The following CAPZB variants were observed in gnomAD, a reference collection of about 807,000 sequenced individuals.
CAPZB encodes the protein F-actin-capping protein subunit beta.
Under a neutral mutation model 38.1 loss-of-function variants are expected in CAPZB, and 2 were observed. The observed-to-expected ratio is 0.05, with a 90% CI of 0.02 to 0.17. The LOEUF (loss-of-function observed/expected upper bound fraction) is 0.17. Ranked by LOEUF, CAPZB falls within the 10% of genes least tolerant of loss-of-function variation. The pLI is 1.00. For synonymous variants in CAPZB, 107 were observed against 127.4 expected (o/e 0.84, Z 1.08); for missense variants, 161 against 334.2 (o/e 0.48, Z 4.04).
intron 8 of CAPZB, among the ~76,000 whole-genome samples, chr1:19,343,535 G>A (rs1442315310): frequency 6.6e-6 from 1 of 152,218 alleles, no homozygotes; most frequent in Non-Finnish European, 1.5e-5. Context: ...CTCCTCGACT[G>A]GACAAGGGCC....
At chr1:19,464,546 C>G (rs1334988841) in intron 1 of CAPZB, among the ~76,000 whole-genome samples, 1 of 152,034 alleles carries the variant, frequency 6.6e-6, no homozygotes, top group African/African-American at 2.4e-5. Context: ...CCCGCCTCGG[C>G]CTCCCAAAAT....
intron 1 of CAPZB, among the ~76,000 whole-genome samples, chr1:19,451,686 CA>C (rs953656508): frequency 6.6e-6 from 1 of 151,950 alleles, no homozygotes; most frequent in African/African-American, 2.4e-5. Context: ...AGGCTAGGAC[CA>C]GGGGGTGATC....
At chr1:19,401,527 T>C (rs2094303395) in intron 2 of CAPZB, among the ~76,000 whole-genome samples, 1 of 152,138 alleles carries the variant, frequency 6.6e-6, no homozygotes, top group African/African-American at 2.4e-5. Context: ...TGCCACCTTT[T>C]CAGCAGCCTC....
At chr1:19,380,101 C>A (rs1438291115) in intron 3 of CAPZB, among the ~76,000 whole-genome samples, 3 of 152,226 alleles carry the variant, frequency 2.0e-5, no homozygotes, top group Non-Finnish European at 4.4e-5. Flanking sequence ...CTCCACCAGG[C>A]ACCTACGTCA....
At position 19,484,539 on chromosome 1, in the gene CAPZB, G is replaced by A. The variant is rs1005204765; in HGVS notation, c.3+897C>T. ...CACCGATGCCCGCCCTTCCCTCGCT[G>A]GCTCCTAGGCGGCCTCCCTAGAAGC... On this transcript the variant is annotated intron_variant, in intron 1 of 8. Coordinates refer to ENST00000264202, the MANE Select transcript of CAPZB (RefSeq NM_004930.5). 8.4e-6 allele frequency: 11 copies of A among 1,306,856 alleles called. No homozygotes were observed. In the African/African-American group the frequency reaches 1.2e-4, roughly 14 times the overall value. The allele number at this position is 1,306,856 out of a possible 1,614,324, so 81.0% of individuals were successfully genotyped here.
chr1:19,410,914 CCCT>C (rs2094354553), intron 2 of CAPZB, among the ~76,000 whole-genome samples: 2 of 152,128 alleles, frequency 1.3e-5, no homozygotes, highest in African/African-American at 2.4e-5. Flanking sequence ...AGACTCACTG[CCCT>C]CCTCCATTCC....
At chr1:19,458,966 A>G (rs1451982787) in intron 1 of CAPZB, among the ~76,000 whole-genome samples, 1 of 152,246 alleles carries the variant, frequency 6.6e-6, no homozygotes, top group Non-Finnish European at 1.5e-5. Flanking sequence ...TTCGAAGGGC[A>G]GAAACAGCTC....
intron 6 of CAPZB, among the ~76,000 whole-genome samples, chr1:19,347,452 G>A (rs149897062): frequency 2.0e-5 from 3 of 152,228 alleles, no homozygotes; most frequent in Admixed American, 1.3e-4. Context: ...AGCCTCTGCC[G>A]ATAGGGGTAG....
At chr1:19,442,715 C>T (rs550797630) in intron 1 of CAPZB, among the ~76,000 whole-genome samples, 1 of 152,294 alleles carries the variant, frequency 6.6e-6, no homozygotes, top group East Asian at 1.9e-4. Context: ...CTGAAAAACA[C>T]AGGGTCCTCA....
chr1:19,415,489 G>C (rs186976152), intron 2 of CAPZB, among the ~76,000 whole-genome samples: 1 of 152,190 alleles, frequency 6.6e-6, no homozygotes, highest in Non-Finnish European at 1.5e-5. Flanking sequence ...CAGAATAAAA[G>C]CATTTCGTAA....
rs969687448 is a variant in CAPZB, at chr1:19,357,618, T to G, written c.330-55A>C. 3 of 1,590,814 alleles carry G rather than the reference T, an allele frequency of 1.9e-6. No individual in the cohort carries two copies. Among genetic ancestry groups the G allele is most frequent in the Non-Finnish European group, 2.6e-6 (3 of 1,160,942 alleles). Reference sequence around the variant, plus strand: ...GATGCTAAAGGACAGATCATCAGCCTGGGTCCCAGGCTGCTGCTCAGCAAA... The same window carrying G: ...GATGCTAAAGGACAGATCATCAGCCGGGGTCCCAGGCTGCTGCTCAGCAAA... On this transcript the variant is annotated intron_variant, in intron 4 of 8. Coordinates refer to ENST00000264202, the MANE Select transcript of CAPZB (RefSeq NM_004930.5). This position sits in a 1 kb window ranked among gnomAD's most constrained non-coding sequence, Gnocchi z 4.3.
intron 4 of CAPZB, among the ~76,000 whole-genome samples, chr1:19,366,963 G>A (rs2094091817): frequency 6.6e-6 from 1 of 152,180 alleles, no homozygotes; most frequent in Non-Finnish European, 1.5e-5. Context: ...TCCACCTCAG[G>A]AAAAAGAGAA....
intron 1 of CAPZB, among the ~76,000 whole-genome samples, chr1:19,443,304 AAGGAT>A (rs1008561829): frequency 6.6e-6 from 1 of 152,074 alleles, no homozygotes; most frequent in Non-Finnish European, 1.5e-5. Context: ...GCTGAGGCAG[AAGGAT>A]CACCTGAGCC....
Position 19,357,333 on chromosome 1 carries a change from C to T in CAPZB, c.471+89G>A. The T allele has an allele frequency of 8.3e-7, 1 of 1,203,802 alleles. No individual in the cohort carries two copies. Among genetic ancestry groups the T allele is most frequent in the East Asian group, 2.3e-5 (1 of 42,760 alleles). 74.6% of individuals were successfully genotyped at this position (1,203,802 alleles called of 1,614,324 possible). On this transcript the variant is annotated intron_variant, in intron 5 of 8. Transcript: ENST00000264202. The surrounding 1 kb of genome is among the most constrained non-coding windows in gnomAD (Gnocchi z 4.3). Reference sequence around the variant, plus strand: ...GGGGTTCAGAGATCACAGCATCCCCCTACTGCATCTGTTAGAGAGCAGCGC... The same window carrying T: ...GGGGTTCAGAGATCACAGCATCCCCTTACTGCATCTGTTAGAGAGCAGCGC...
intron 2 of CAPZB, among the ~76,000 whole-genome samples, chr1:19,413,172 G>A (rs534703835): frequency 1.3e-5 from 2 of 152,186 alleles, no homozygotes; most frequent in South Asian, 4.1e-4. Context: ...CGGGGATCAA[G>A]CTGAAGAATC....
At chr1:19,351,044 G>A (rs1379018613) in intron 6 of CAPZB, among the ~76,000 whole-genome samples, 5 of 151,004 alleles carry the variant, frequency 3.3e-5, no homozygotes, top group South Asian at 2.1e-4. Context: ...GTGCAATGGC[G>A]CGATCTTGGC....
chr1:19,398,771 T>C (rs887788166), intron 2 of CAPZB, among the ~76,000 whole-genome samples: 3 of 151,902 alleles, frequency 2.0e-5, no homozygotes, highest in Non-Finnish European at 2.9e-5. Context: ...GGGCTGGCAG[T>C]TAGGGCAGGT....
intron 7 of CAPZB, 122 bp from the exon 8 acceptor site, chr1:19,344,556 C>T: frequency 1.3e-6 from 1 of 772,570 alleles, no homozygotes; most frequent in Non-Finnish European, 2.3e-6. Context: ...CACGCCTGCT[C>T]TGGGGCATCA....
At chr1:19,460,888 T>C (rs1057024003) in intron 1 of CAPZB, among the ~76,000 whole-genome samples, 1 of 152,066 alleles carries the variant, frequency 6.6e-6, no homozygotes, top group African/African-American at 2.4e-5. Flanking sequence ...GCATATAATT[T>C]GAACTGCATT....
Sources: gnomAD v4.1 joint callset for allele counts (sites outside exome capture counted in the v4.1 genomes callset) on GRCh38, gnomAD v4.1.1 for gene constraint, Gnocchi (gnomAD v3.1) non-coding constraint, MANE v1.5 for transcripts, NCBI Gene and HGNC (gene_info 2026-07-23, HGNC 2026-07-21) for gene names.